RIC3: variants seen among roughly 807,000 people sequenced by gnomAD.
RIC3 encodes RIC3 acetylcholine receptor chaperone.
RIC3 carries 28 observed loss-of-function variants against 27.3 expected under a neutral mutation model. That is an observed-to-expected ratio of 1.02 (90% CI 0.76 to 1.41). The LOEUF is 1.41. RIC3 is among the 40% of genes most tolerant of loss of function. The probability of loss-of-function intolerance (pLI) is 0.00; values close to 1 mark genes in which losing one functional copy is unlikely to be tolerated. For synonymous variants in RIC3, 184 were observed against 160.4 expected (o/e 1.15, Z -1.11); for missense variants, 501 against 444.7 (o/e 1.13, Z -1.14).
rs1027682514 is a variant in RIC3, at chr11:8,152,914, C to G, written c.125-12721G>C. Among the ~76,000 whole-genome samples, 4 of 151,820 alleles carry G rather than the reference C, an allele frequency of 2.6e-5. No individual in the cohort carries two copies. In the East Asian group the frequency reaches 5.8e-4, roughly 22 times the overall value. On this transcript the variant is annotated intron_variant, in intron 1 of 5. Transcript: ENST00000309737. ...ACACAGCTCTGACTGATAGGACTGTCTTTATATAGAGTTGATGAGTGAGTA... is the reference window on the plus strand; with the variant it reads ...ACACAGCTCTGACTGATAGGACTGTGTTTATATAGAGTTGATGAGTGAGTA...
chr11:8,163,574 A>G (rs957695637), intron 1 of RIC3, among the ~76,000 whole-genome samples: 1 of 152,206 alleles, frequency 6.6e-6, no homozygotes, highest in African/African-American at 2.4e-5. Context: ...TTGTCTATAC[A>G]CTAAGGAACA....
the RIC3 span, chr11:8,095,565 T>C: frequency 1.2e-6 from 2 of 1,613,256 alleles, no homozygotes; most frequent in South Asian, 1.1e-5. Context: ...AGATTCTGAC[T>C]GTGGGCCAGT....
chr11:8,139,670 A>C, intron 2 of RIC3: 1 of 67,424 alleles, frequency 1.5e-5, no homozygotes, highest in Admixed American at 2.4e-4. Flanking sequence ...TTGGCAGGGG[A>C]GTGCATTGAA....
At chr11:8,137,675 T>C (rs138098825) in intron 3 of RIC3, among the ~76,000 whole-genome samples, 11 of 152,228 alleles carry the variant, frequency 7.2e-5, no homozygotes, top group African/African-American at 2.2e-4. Flanking sequence ...TTTAGTTCCA[T>C]AGAAAATCCA....
rs759281294 is a variant in RIC3, at chr11:8,106,067, G to C, written c.*4631C>G. ...GCGTTTTAGACAAATTTGCAAAACTGTGCTTTTATTGACTTTTTGAATAAA... is the reference window on the plus strand; with the variant it reads ...GCGTTTTAGACAAATTTGCAAAACTCTGCTTTTATTGACTTTTTGAATAAA... On this transcript the variant is annotated 3_prime_UTR_variant, in exon 6 of 6. Transcript: ENST00000309737. 6.6e-6 allele frequency: 1 copy of C among 152,194 alleles called. No homozygotes were observed. The highest frequency in any genetic ancestry group is 1.5e-5 in the Non-Finnish European group (1 of 68,026). 9.4% of individuals were successfully genotyped at this position (152,194 alleles called of 1,614,324 possible). A position where few individuals can be genotyped will look rare whatever the true frequency, so the allele number is the denominator to read the frequency against.
chr11:8,128,334 G>A (rs1020696470), intron 4 of RIC3: 8 of 453,684 alleles, frequency 1.8e-5, no homozygotes, highest in Non-Finnish European at 3.1e-5. Flanking sequence ...CCTAAGTCAT[G>A]GGAAATCAGA....
At chr11:8,095,603 C>T in the RIC3 span, 52 of 1,612,518 alleles carry the variant, frequency 3.2e-5, no homozygotes, top group South Asian at 3.7e-4. Flanking sequence ...GCAGGGGAGA[C>T]GGCAGCTGGT....
chr11:8,139,848 A>C (rs1370228981), intron 2 of RIC3, 119 bp downstream of exon 2: 35 of 877,434 alleles, frequency 4.0e-5, no homozygotes, highest in Non-Finnish European at 5.4e-5. Flanking sequence ...GGCAGGATTT[A>C]AAGAGATGAT....
At chr11:8,138,771 C>T (rs986960047) in intron 2 of RIC3, 2 of 237,124 alleles carry the variant, frequency 8.4e-6, no homozygotes, top group Non-Finnish European at 1.6e-5. Context: ...GAGGTCATAG[C>T]CTGTTCCTCT....
intron 1 of RIC3, among the ~76,000 whole-genome samples, chr11:8,165,289 G>T (rs1951575424): frequency 1.3e-5 from 2 of 152,084 alleles, no homozygotes; most frequent in South Asian, 4.1e-4. Context: ...AAAATTCAAT[G>T]TCCATCAATT....
At chr11:8,138,608 T>G in intron 2 of RIC3, 1 of 414,046 alleles carries the variant, frequency 2.4e-6, no homozygotes, top group South Asian at 5.0e-5. Flanking sequence ...TAATTAGGAA[T>G]AGTAACTTCT....
intron 1 of RIC3, among the ~76,000 whole-genome samples, chr11:8,148,410 G>A (rs1387233016): frequency 2.0e-5 from 3 of 152,196 alleles, no homozygotes. Flanking sequence ...CATTCAGGAA[G>A]CTAACTTTTC....
chr11:8,157,178 A>G (rs1216584102), intron 1 of RIC3, among the ~76,000 whole-genome samples: 2 of 152,208 alleles, frequency 1.3e-5, no homozygotes, highest in Non-Finnish European at 2.9e-5. Context: ...AATCTGTCTG[A>G]ACACAGACAA....
At chr11:8,103,793 T>G (rs1368140521), downstream of RIC3, 2 of 152,626 alleles carry the variant, frequency 1.3e-5, no homozygotes, top group Non-Finnish European at 2.9e-5. Flanking sequence ...TTTCTCTGGA[T>G]CTATGATTTT....
At chr11:8,149,908 C>A (rs2134089585) in intron 1 of RIC3, among the ~76,000 whole-genome samples, 1 of 152,334 alleles carries the variant, frequency 6.6e-6, no homozygotes, top group East Asian at 1.9e-4. Context: ...TGATAAGAGA[C>A]TACCAACCAC....
the RIC3 span, among the ~76,000 whole-genome samples, chr11:8,096,501 G>A: frequency 6.6e-6 from 1 of 152,192 alleles, no homozygotes; most frequent in Non-Finnish European, 1.5e-5. Flanking sequence ...TTTTATATCT[G>A]GACATGTGTG....
At chr11:8,139,553 T>C (rs1456280583) in intron 2 of RIC3, 3 of 172,388 alleles carry the variant, frequency 1.7e-5, no homozygotes, top group African/African-American at 7.1e-5. Flanking sequence ...TTACAATGGC[T>C]ATTTGGAAAT....
chr11:8,137,539 A>T (rs1655873711), intron 3 of RIC3, 68 bp from the exon 4 acceptor site: 2 of 1,270,780 alleles, frequency 1.6e-6, no homozygotes, highest in Non-Finnish European at 2.3e-6. Context: ...GAGACCACAA[A>T]TTTTTAAAAA....
At chr11:8,167,776 GA>G (rs202224351) in intron 1 of RIC3, among the ~76,000 whole-genome samples, 3 of 150,644 alleles carry the variant, frequency 2.0e-5, no homozygotes, top group Non-Finnish European at 3.0e-5. Flanking sequence ...AGACAGAAAG[GA>G]AAAAAAAAGA....
Sources: allele counts gnomAD v4.1 joint callset (sites outside exome capture counted in the v4.1 genomes callset), GRCh38; gene constraint gnomAD v4.1.1; transcripts MANE v1.5; gene names NCBI Gene and HGNC (gene_info 2026-07-23, HGNC 2026-07-21).